KRT84: variants seen among roughly 807,000 people sequenced by gnomAD.
The protein encoded by KRT84 is keratin, type II cuticular Hb4.
A neutral mutation model predicts 49.0 loss-of-function variants in KRT84; 38 were observed. That is an observed-to-expected ratio of 0.78 (90% CI 0.60 to 1.02). The LOEUF (loss-of-function observed/expected upper bound fraction) is 1.02. Among genes scored for constraint, KRT84 ranks in the 50% least tolerant of loss-of-function variants. The probability of loss-of-function intolerance (pLI) is 0.00; values close to 1 mark genes in which losing one functional copy is unlikely to be tolerated. For synonymous variants in KRT84, 334 were observed against 312.8 expected (o/e 1.07, Z -0.72); for missense variants, 860 against 788.6 (o/e 1.09, Z -1.08).
chr12:52,381,398 C>A lies in KRT84; in HGVS notation c.1040G>T (p.Arg347Leu). ...VKAQYEEVAR[R>L]SRADAEAWYQ... ...CCAGGCCTCAGCATCAGCCCGGCTG[C>A]GCCTGGCCACCTCCTCATACTGGGC... Residue 347 changes from arginine (R) to leucine (L), a missense_variant, in exon 5 of 9, where the codon CGC (arginine) becomes CTC (leucine). Coordinates refer to ENST00000257951, the MANE Select transcript of KRT84 (RefSeq NM_033045.4). 6.2e-7 allele frequency: 1 copy of A among 1,614,212 alleles called. No individual in the cohort carries two copies. The highest frequency in any genetic ancestry group is 8.5e-7 in the Non-Finnish European group (1 of 1,180,042).
intron 6 of KRT84, 54 bp downstream of exon 6, chr12:52,381,026 C>A: frequency 6.3e-7 from 1 of 1,596,456 alleles, no homozygotes; most frequent in East Asian, 2.2e-5. Flanking sequence ...GTTCCCAAAG[C>A]CTGAGGCCCT....
intron 7 of KRT84, 66 bp from the exon 8 acceptor site, chr12:52,379,973 A>G (rs1392159015): frequency 4.9e-6 from 7 of 1,419,086 alleles, no homozygotes; most frequent in South Asian, 4.7e-5. Context: ...ATTTGCCATA[A>G]AAAGGGCTTT....
chr12:52,383,897 C>T (rs535329753), intron 1 of KRT84, 99 bp from the exon 2 acceptor site: 48 of 933,790 alleles, frequency 5.1e-5, no homozygotes, highest in Middle Eastern at 2.9e-4. Flanking sequence ...GACCACATGT[C>T]GACAGGGTTC....
At position 52,381,098 on chromosome 12, in the gene KRT84, A is replaced by C. The variant is rs746202681; in HGVS notation, c.1185T>G (p.Ile395Met). The C allele has an allele frequency of 1.9e-6, 3 of 1,613,786 alleles. No individual in the cohort carries two copies. The highest frequency in any genetic ancestry group is 2.5e-6 in the Non-Finnish European group (3 of 1,179,966). ...TRLIQRLKAE[I>M]EHAKAQRAKL... ...TGCCCACCTGAGCCTTGGCGTGCTCAATCTCTGCCTTAAGCCTCTGGATCA... is the reference window on the plus strand; with the variant it reads ...TGCCCACCTGAGCCTTGGCGTGCTCCATCTCTGCCTTAAGCCTCTGGATCA... The change falls in exon 6 of 9, where the codon ATT becomes ATG. Residue 395 changes from isoleucine (I) to methionine (M), a missense_variant. Transcript: ENST00000257951.
upstream of KRT84, among the ~76,000 whole-genome samples, chr12:52,386,395 T>A (rs1452042300): frequency 2.9e-5 from 2 of 69,126 alleles, no homozygotes; most frequent in African/African-American, 3.2e-4. Context: ...TATCTTAAAT[T>A]TTTTTTTTTT....
upstream of KRT84, among the ~76,000 whole-genome samples, chr12:52,386,906 C>T (rs1352609996): frequency 6.6e-6 from 1 of 152,142 alleles, no homozygotes; most frequent in Non-Finnish European, 1.5e-5. Context: ...CTTGCAATTC[C>T]ACTTGGAAGG....
In KRT84 at chr12:52,382,509, G is replaced by A. The variant is rs756269887; in HGVS notation, c.840C>T (p.Asn280=). ...LKKDVDAAFM[N]KSDLEANVDT... is the part of the protein sequence containing the mutation. ...CCACGTTGGCCTCGAGATCAGACTT[G>A]TTCATGAAAGCTGCATCCACATCCT... Residue 280 remains asparagine (N), a synonymous_variant, in exon 4 of 9, where the codon AAC becomes AAT. Coordinates refer to ENST00000257951, the MANE Select transcript of KRT84 (RefSeq NM_033045.4). 1.2e-6 allele frequency: 2 copies of A among 1,613,886 alleles called. No individual in the cohort carries two copies. The highest frequency in any genetic ancestry group is 1.7e-6 in the Non-Finnish European group (2 of 1,179,778).
rs370869019 is a variant in KRT84, at chr12:52,381,112, G to T, written c.1171C>A (p.Leu391Ile). ...INELTRLIQR[L>I]KAEIEHAKAQ... The stretch of plus-strand genomic sequence containing the variant: ...TTGGCGTGCTCAATCTCTGCCTTAA[G>T]CCTCTGGATCAGGCGGGTCAGTTCG... The change falls in exon 6 of 9, where the codon CTT becomes ATT. Residue 391 changes from leucine to isoleucine, a missense_variant. Transcript: ENST00000257951. 2.5e-6 allele frequency: 4 copies of T among 1,614,006 alleles called. No homozygotes were observed. The highest frequency in any genetic ancestry group is 3.4e-6 in the Non-Finnish European group (4 of 1,180,038).
chr12:52,382,605 G>A, intron 3 of KRT84, 73 bp from the exon 4 acceptor site: 1 of 1,266,782 alleles, frequency 7.9e-7, no homozygotes, highest in Non-Finnish European at 1.1e-6. Flanking sequence ...GTCTGGAGAT[G>A]GGTGCAAAGA....
intron 2 of KRT84, 117 bp from the exon 3 acceptor site, chr12:52,383,182 G>T: frequency 1.2e-6 from 1 of 816,154 alleles, no homozygotes; most frequent in Non-Finnish European, 2.1e-6. Flanking sequence ...GTTCCCTATT[G>T]CTATCTGAAT....
chr12:52,379,464 C>T (rs765001252), intron 8 of KRT84, among the ~76,000 whole-genome samples: 4 of 152,188 alleles, frequency 2.6e-5, no homozygotes, highest in Non-Finnish European at 4.4e-5. Flanking sequence ...ACCCATGCTT[C>T]GGCTGCAGCA....
chr12:52,378,365 C>T lies in KRT84; in HGVS notation c.1472G>A (p.Arg491Gln), dbSNP rs373302360. The T allele has an allele frequency of 1.2e-5, 18 of 1,467,650 alleles. No individual in the cohort carries two copies. The highest frequency in any genetic ancestry group is 7.2e-5 in the African/African-American group (5 of 69,810). The allele number at this position is 1,467,650 out of a possible 1,614,324, so 90.9% of individuals were successfully genotyped here. ...CTCAGGCCCGCACACCAGGCCGCCC[C>T]GGGAGCTGCTGACGGCTGCGGAGAA... ...GPVNISVSSS[R>Q]GGLVCGPEPL... Residue 491 changes from arginine (R) to glutamine (Q), a missense_variant, in exon 9 of 9, where the codon CGG (arginine) becomes CAG (glutamine). Physicochemically the swap from Arg to Gln is conservative, Grantham distance 43. Transcript: ENST00000257951.
upstream of KRT84, chr12:52,385,702 C>T (rs2121448498): frequency 9.7e-7 from 1 of 1,029,966 alleles, no homozygotes; most frequent in South Asian, 1.6e-5. Context: ...TGATCTGAGG[C>T]TTGGCCCCAT....
At position 52,383,739 on chromosome 12, in the gene KRT84, C is replaced by T; in HGVS notation, c.606G>A (p.Glu202=). The part of the protein sequence containing the change: ...LLETKWSFLQ[E]QKCIRSNLEP... Reference sequence around the variant, plus strand: ...CCAGATTGCTCCTGATACATTTCTGCTCTTGGAGGAAGCTCCACTTGGTCT... The same window carrying T: ...CCAGATTGCTCCTGATACATTTCTGTTCTTGGAGGAAGCTCCACTTGGTCT... Residue 202 remains glutamate (E), a synonymous_variant, in exon 2 of 9, where the codon GAG becomes GAA. Transcript: ENST00000257951. The T allele has an allele frequency of 2.5e-6, 4 of 1,613,980 alleles. No individual in the cohort carries two copies. The highest frequency in any genetic ancestry group is 3.4e-6 in the Non-Finnish European group (4 of 1,179,894).
At position 52,378,035 on chromosome 12, in the gene KRT84, C is replaced by T; in HGVS notation, c.1802G>A (p.Ter601=). The change falls in exon 9 of 9, where the codon TGA becomes TAA. Residue 601 remains the stop codon, a stop_retained_variant. Coordinates refer to ENST00000257951, the MANE Select transcript of KRT84 (RefSeq NM_033045.4). ...CAGCAGCTGTCTGGGGCTGGGCTCT[C>T]AGTACTTGGTCCGGCAGGAGGTGGT... ...STTTSCRTKY[*] 1 of 1,461,172 alleles carries T rather than the reference C, an allele frequency of 6.8e-7. No homozygotes were observed. The highest frequency in any genetic ancestry group is 9.0e-7 in the Non-Finnish European group (1 of 1,107,810). The allele number at this position is 1,461,172 out of a possible 1,614,324, so 90.5% of individuals were successfully genotyped here.
chr12:52,385,424 A>C lies in KRT84; in HGVS notation c.162T>G (p.Ser54Arg), dbSNP rs772782462. The C allele has an allele frequency of 1.2e-6, 2 of 1,614,092 alleles. No individual in the cohort carries two copies. The highest frequency in any genetic ancestry group is 3.3e-5 in the Admixed American group (2 of 60,010). ...GTGAGTACGATCCAAAGGTGATGAC[A>C]CTCCGACTACCAAAGCTGCCAAGGC... is the stretch of plus-strand genomic sequence containing the variant. ...FRGLGSFGSR[S>R]VITFGSYSPR... Residue 54 changes from serine to arginine, a missense_variant, in exon 1 of 9, where the codon AGT (serine) becomes AGG (arginine). By Grantham distance (110) the Ser-to-Arg change is moderately radical. Transcript: ENST00000257951.
chr12:52,379,737 G>A (rs1939446861), intron 8 of KRT84, 139 bp downstream of exon 8: 4 of 719,920 alleles, frequency 5.6e-6, no homozygotes, highest in African/African-American at 1.8e-5. Context: ...CCCCATCCAG[G>A]GCTGGATGGT....
chr12:52,381,617 G>C (rs752276384), intron 4 of KRT84, 92 bp from the exon 5 acceptor site: 2 of 1,244,156 alleles, frequency 1.6e-6, no homozygotes, highest in African/African-American at 1.5e-5. Context: ...GGTGCCAGGG[G>C]CAGAGAGCAT....
chr12:52,379,232 G>T (rs1732290), intron 8 of KRT84, among the ~76,000 whole-genome samples: 10 of 152,042 alleles, frequency 6.6e-5, no homozygotes, highest in Admixed American at 5.2e-4. Context: ...AATCTGGTTC[G>T]CTTTGTAAGT....
Sources: gnomAD v4.1 joint callset for allele counts (sites outside exome capture counted in the v4.1 genomes callset) on GRCh38, gnomAD v4.1.1 for gene constraint, MANE v1.5 for transcripts, NCBI Gene and HGNC (gene_info 2026-07-23, HGNC 2026-07-21) for gene names.